APAF1: variants seen among roughly 807,000 people sequenced by gnomAD.
APAF1 encodes apoptotic peptidase activating factor 1.
APAF1 carries 91 observed loss-of-function variants against 152.4 expected under a neutral mutation model. That is an observed-to-expected ratio of 0.60 (90% confidence interval 0.50 to 0.71). The LOEUF is 0.71. Ranked by LOEUF, APAF1 falls within the 30% of genes least tolerant of loss-of-function variation. APAF1 has a pLI of 0.00. For missense variants in APAF1, 1,283 were observed against 1,472.0 expected, an observed-to-expected ratio of 0.87 and a Z score of 2.10; for synonymous variants, 484 against 494.1, an observed-to-expected ratio of 0.98 and a Z score of 0.27.
chr12:98,655,876 C>T (rs1432037442), intron 4 of APAF1, among the ~76,000 whole-genome samples: 3 of 151,986 alleles, frequency 2.0e-5, no homozygotes, highest in African/African-American at 4.8e-5. Flanking sequence ...CTCGGCCTCC[C>T]GGGTTCACAC....
intron 13 of APAF1, among the ~76,000 whole-genome samples, chr12:98,678,485 C>T (rs541430146): frequency 3.9e-5 from 6 of 152,322 alleles, no homozygotes; most frequent in East Asian, 3.9e-4. Context: ...CCTGGGAACC[C>T]GCTCCATGGA....
chr12:98,706,598 CCAGA>C lies in APAF1; in HGVS notation c.2712_2715del (p.Thr905SerfsTer15), dbSNP rs764572626. 3.1e-6 allele frequency: 5 copies of C among 1,613,914 alleles called. No individual in the cohort carries two copies. Among genetic ancestry groups the C allele is most frequent in the African/African-American group, 1.3e-5 (1 of 75,006 alleles). Reference sequence around the variant, plus strand: ...CATCATTTTTGACATCTTCTGATGACCAGACAATCAGGGTGAGAAATATTGAGAT... The same window carrying C: ...CATCATTTTTGACATCTTCTGATGACCAATCAGGGTGAGAAATATTGAGAT... On this transcript the variant is annotated frameshift_variant, in exon 19 of 27. Coordinates refer to ENST00000551964, the MANE Select transcript of APAF1 (RefSeq NM_181861.2). LOFTEE classifies it high-confidence loss of function.
Position 98,670,996 on chromosome 12 carries a change from C to T in APAF1, c.1518C>T (p.Ser506=), listed in dbSNP as rs2097679432. 3 of 1,611,642 alleles carry T rather than the reference C, an allele frequency of 1.9e-6. No individual in the cohort carries two copies. The highest frequency in any genetic ancestry group is 2.7e-5 in the African/African-American group (2 of 74,406). ...AGGAACTTTGTGCTTTAATGTTTTC[C>T]CTGGATTGGATTAAAGCAAAAACAG... ...MHKELCALMF[S]LDWIKAKTEL... The change falls in exon 11 of 27, where the codon TCC becomes TCT. Residue 506 remains serine (S), a synonymous_variant. Coordinates refer to ENST00000551964, the MANE Select transcript of APAF1 (RefSeq NM_181861.2).
chr12:98,703,541 G>A, intron 18 of APAF1, 42 bp downstream of exon 18: 2 of 1,613,014 alleles, frequency 1.2e-6, no homozygotes, highest in Non-Finnish European at 1.7e-6. Context: ...GGTTTCCAGA[G>A]ATCAAAGGAT....
At chr12:98,731,028 T>C (rs913085673) in intron 26 of APAF1, among the ~76,000 whole-genome samples, 2 of 152,166 alleles carry the variant, frequency 1.3e-5, no homozygotes, top group African/African-American at 2.4e-5. Context: ...TGCCATGACT[T>C]GGTGGCAGCA....
At chr12:98,647,850 A>T (rs1053720706) in intron 1 of APAF1, among the ~76,000 whole-genome samples, 1 of 151,708 alleles carries the variant, frequency 6.6e-6, no homozygotes, top group Admixed American at 6.6e-5. Context: ...ATTCAGAATG[A>T]TGGACATTTA....
At chr12:98,693,875 C>T (rs1447310322) in intron 16 of APAF1, among the ~76,000 whole-genome samples, 1 of 148,710 alleles carries the variant, frequency 6.7e-6, no homozygotes, top group African/African-American at 2.5e-5. Flanking sequence ...AAGAAAGAAT[C>T]TATGGGAAGT....
chr12:98,680,785 G>A (rs968720191), intron 14 of APAF1, among the ~76,000 whole-genome samples: 1 of 152,094 alleles, frequency 6.6e-6, no homozygotes, highest in Non-Finnish European at 1.5e-5. Context: ...AACAAGCAGT[G>A]GGGAAAAGCA....
chr12:98,709,302 T>C (rs1312498237), intron 20 of APAF1, among the ~76,000 whole-genome samples: 5 of 152,188 alleles, frequency 3.3e-5, no homozygotes, highest in Non-Finnish European at 7.4e-5. Flanking sequence ...AGCACTACTC[T>C]AGTCTGTTCT....
At chr12:98,716,114 T>C (rs1285202226) in intron 22 of APAF1, among the ~76,000 whole-genome samples, 1 of 152,176 alleles carries the variant, frequency 6.6e-6, no homozygotes, top group African/African-American at 2.4e-5. Context: ...ACAGACCCTT[T>C]CCCCCATTTC....
chr12:98,678,543 C>G (rs1023081846), intron 13 of APAF1, among the ~76,000 whole-genome samples: 2 of 152,236 alleles, frequency 1.3e-5, no homozygotes, highest in Admixed American at 1.3e-4. Context: ...CCGCCCAAAC[C>G]ACAGCTGCAG....
At chr12:98,702,284 C>G (rs2097716306) in intron 17 of APAF1, among the ~76,000 whole-genome samples, 1 of 151,962 alleles carries the variant, frequency 6.6e-6, no homozygotes, top group African/African-American at 2.4e-5. Flanking sequence ...CCAGGATGGT[C>G]TCGATCTCCT....
rs112954276 is a variant in APAF1 at position 98,694,579 on chromosome 12, T to C, written c.2305-4829T>C. 7.4e-4 allele frequency among the ~76,000 whole-genome samples: 112 copies of C among 152,292 alleles called. 1 individual carries two copies. The highest frequency in any genetic ancestry group is 2.5e-3 in the African/African-American group (105 of 41,570). On this transcript the variant is annotated intron_variant, in intron 16 of 26. Coordinates refer to ENST00000551964, the MANE Select transcript of APAF1 (RefSeq NM_181861.2). Reference sequence around the variant, plus strand: ...TACCATATTTTTAAGTATTCATTCTTGTGTGATTAGTTCCTTTTAAATATT... The same window carrying C: ...TACCATATTTTTAAGTATTCATTCTCGTGTGATTAGTTCCTTTTAAATATT...
In APAF1 at chr12:98,733,136, CT is replaced by C. The variant is rs1281557330; in HGVS notation, c.*580del. ...TCTTGGATTTAGCAGGCCCCCCCAC[CT>C]TTTTTTTTTGTTTTTGGAGACAGAG... is the stretch of plus-strand genomic sequence containing the variant. On this transcript the variant is annotated 3_prime_UTR_variant, in exon 27 of 27. Coordinates refer to ENST00000551964, the MANE Select transcript of APAF1 (RefSeq NM_181861.2). The C allele has an allele frequency of 3.8e-4, 56 of 148,962 alleles. No individual in the cohort carries two copies. Among genetic ancestry groups the C allele is most frequent in the Non-Finnish European group, 5.9e-4 (40 of 67,294 alleles). The allele number at this position is 148,962 out of a possible 1,614,324, so 9.2% of individuals were successfully genotyped here. A position where few individuals can be genotyped will look rare whatever the true frequency, so the allele number is the denominator to read the frequency against.
chr12:98,712,829 T>C (rs2153339401), intron 21 of APAF1: 1 of 209,280 alleles, frequency 4.8e-6, no homozygotes, highest in African/African-American at 2.4e-5. Context: ...GTATACCTTT[T>C]TTTTTTGAAT....
At position 98,717,729 on chromosome 12, in the gene APAF1, C is replaced by T. The variant is rs1465810501; in HGVS notation, c.3084+2177C>T. On this transcript the variant is annotated intron_variant, in intron 22 of 26. Coordinates refer to ENST00000551964, the MANE Select transcript of APAF1 (RefSeq NM_181861.2). ...TTTGTTTTGCTGCATAGTTGCTGTT[C>T]CCTCCAAGTTGCTTTTTTCTGTTTG... Among the ~76,000 whole-genome samples the T allele has an allele frequency of 4.0e-5, 6 of 151,748 alleles. 1 individual carries two copies. The highest frequency in any genetic ancestry group is 7.4e-5 in the Non-Finnish European group (5 of 67,958).
In APAF1 at chr12:98,662,657, T is replaced by C. The variant is rs762447515; in HGVS notation, c.824-18T>C. The C allele has an allele frequency of 6.2e-7, 1 of 1,612,836 alleles. No homozygotes were observed. Among genetic ancestry groups the C allele is most frequent in the South Asian group, 1.1e-5 (1 of 91,014 alleles). Reference sequence around the variant, plus strand: ...ACATACCAAATTACTTACTTTGTCTTGTGATTTTTGTTTGCAGGTCCTAAA... The same window carrying C: ...ACATACCAAATTACTTACTTTGTCTCGTGATTTTTGTTTGCAGGTCCTAAA... On this transcript the variant is annotated intron_variant, in intron 6 of 26. Transcript: ENST00000551964.
At position 98,686,888 on chromosome 12, in the gene APAF1, A is replaced by G; in HGVS notation, c.2304+15A>G. 6.2e-7 allele frequency: 1 copy of G among 1,612,748 alleles called. No individual in the cohort carries two copies. The highest frequency in any genetic ancestry group is 8.5e-7 in the Non-Finnish European group (1 of 1,178,980). On this transcript the variant is annotated intron_variant, in intron 16 of 26. Coordinates refer to ENST00000551964, the MANE Select transcript of APAF1 (RefSeq NM_181861.2). ...GAACCTTAAAGGTATGCTTTTGTAC[A>G]CTATTAAAATAGGTTGTATTTTATG... is the stretch of plus-strand genomic sequence containing the variant.
intron 26 of APAF1, among the ~76,000 whole-genome samples, chr12:98,727,735 G>C (rs1276916806): frequency 6.6e-6 from 1 of 152,150 alleles, no homozygotes; most frequent in East Asian, 1.9e-4. Context: ...GAGGTCAGGA[G>C]TTTGAGACCA....
Sources: allele counts gnomAD v4.1 joint callset (sites outside exome capture counted in the v4.1 genomes callset), GRCh38; gene constraint gnomAD v4.1.1; transcripts MANE v1.5; gene names NCBI Gene and HGNC (gene_info 2026-07-23, HGNC 2026-07-21).